The following TGFBRAP1 variants were observed in gnomAD, a reference collection of about 807,000 sequenced individuals.
TGFBRAP1 encodes the protein transforming growth factor beta receptor associated protein 1, also known as transforming growth factor-beta receptor-associated protein 1.
In TGFBRAP1, 20 loss-of-function variants were observed where a neutral mutation model predicts 83.2. That is an observed-to-expected ratio of 0.24 (90% CI 0.17 to 0.35). TGFBRAP1 has a LOEUF of 0.35. Among genes scored for constraint, TGFBRAP1 ranks in the 10% least tolerant of loss-of-function variants. TGFBRAP1 has a pLI of 1.00. For synonymous variants in TGFBRAP1, 415 were observed against 459.8 expected, an observed-to-expected ratio of 0.90 and a Z score of 1.25; for missense variants, 950 against 1,099.4, an observed-to-expected ratio of 0.86 and a Z score of 1.92.
At chr2:105,307,317 C>G (rs1477966959) in intron 2 of TGFBRAP1, among the ~76,000 whole-genome samples, 1 of 152,184 alleles carries the variant, frequency 6.6e-6, no homozygotes, top group East Asian at 1.9e-4. Context: ...CAAAATCTTT[C>G]TCCCAAGATG....
intron 1 of TGFBRAP1, among the ~76,000 whole-genome samples, chr2:105,311,169 C>CA (rs1337592812): frequency 1.5e-5 from 2 of 136,174 alleles, no homozygotes; most frequent in South Asian, 4.6e-4. Flanking sequence ...AAACAAAAAA[C>CA]AAAAAAACAT....
chr2:105,278,163 T>C (rs1428302973), intron 6 of TGFBRAP1, among the ~76,000 whole-genome samples: 3 of 151,512 alleles, frequency 2.0e-5, no homozygotes, highest in Non-Finnish European at 4.4e-5. Context: ...TGCTGTATAT[T>C]TACTTATGGT....
At chr2:105,286,653 G>A (rs1390155452) in intron 4 of TGFBRAP1, among the ~76,000 whole-genome samples, 1 of 152,132 alleles carries the variant, frequency 6.6e-6, no homozygotes, top group Admixed American at 6.5e-5. Flanking sequence ...GCCCTCTAAG[G>A]AGCCACTCTA....
chr2:105,300,747 TTATAAC>T (rs976900987), intron 2 of TGFBRAP1, among the ~76,000 whole-genome samples: 12 of 152,120 alleles, frequency 7.9e-5, no homozygotes, highest in African/African-American at 2.4e-4. Context: ...TATCAAATCT[TTATAAC>T]TAAAACAGTT....
chr2:105,287,033 T>C (rs1677740401), intron 4 of TGFBRAP1, among the ~76,000 whole-genome samples: 1 of 151,846 alleles, frequency 6.6e-6, no homozygotes, highest in African/African-American at 2.4e-5. Flanking sequence ...AGGAAGGGAG[T>C]TCCAACACAG....
intron 1 of TGFBRAP1, among the ~76,000 whole-genome samples, chr2:105,322,657 C>T (rs1573224844): frequency 2.0e-5 from 3 of 152,098 alleles, no homozygotes; most frequent in South Asian, 2.1e-4. Flanking sequence ...TATAGGTTTG[C>T]ACCCTAGGAA....
intron 4 of TGFBRAP1, among the ~76,000 whole-genome samples, chr2:105,293,886 G>T (rs1490592716): frequency 1.3e-5 from 2 of 152,168 alleles, no homozygotes; most frequent in South Asian, 2.1e-4. Flanking sequence ...GCTGAGGGGT[G>T]ACATGATAAA....
At chr2:105,324,475 C>T (rs899390633) in intron 1 of TGFBRAP1, among the ~76,000 whole-genome samples, 5 of 152,152 alleles carry the variant, frequency 3.3e-5, no homozygotes, top group Non-Finnish European at 7.4e-5. Flanking sequence ...CCCATCAGTC[C>T]AGCCCAGGAC....
At position 105,265,333 on chromosome 2, in the gene TGFBRAP1, G is replaced by C. The variant is rs1485646910; in HGVS notation, c.*2050C>G. The C allele has an allele frequency of 1.3e-5, 2 of 152,180 alleles. No homozygotes were observed. Among genetic ancestry groups the C allele is most frequent in the Non-Finnish European group, 2.9e-5 (2 of 68,068 alleles). The allele number at this position is 152,180 out of a possible 1,614,324, so 9.4% of individuals were successfully genotyped here. A position where few individuals can be genotyped will look rare whatever the true frequency, so the allele number is the denominator to read the frequency against. On this transcript the variant is annotated 3_prime_UTR_variant, in exon 12 of 12. Transcript: ENST00000393359. Reference sequence around the variant, plus strand: ...AAAATACAAAAATTAGCTGGGCGTGGTGGCATGCACCTGTAGTCCCAGCTA... The same window carrying C: ...AAAATACAAAAATTAGCTGGGCGTGCTGGCATGCACCTGTAGTCCCAGCTA...
At chr2:105,263,352 C>T (rs762891587), downstream of TGFBRAP1, among the ~76,000 whole-genome samples, 21 of 152,196 alleles carry the variant, frequency 1.4e-4, no homozygotes, top group Non-Finnish European at 2.6e-4. Flanking sequence ...AATGCGAGTC[C>T]ACCCTGGGCT....
At chr2:105,309,780 G>T (rs963431951) in intron 1 of TGFBRAP1, among the ~76,000 whole-genome samples, 2 of 152,172 alleles carry the variant, frequency 1.3e-5, no homozygotes, top group African/African-American at 4.8e-5. Context: ...GAATGTCTGT[G>T]TCCCCCTAAA....
At chr2:105,260,264 G>T (rs1389739314), downstream of TGFBRAP1, among the ~76,000 whole-genome samples, 2 of 152,080 alleles carry the variant, frequency 1.3e-5, no homozygotes, top group Non-Finnish European at 2.9e-5. Flanking sequence ...CAAAAAATTA[G>T]CCAGGCATGG....
At chr2:105,272,170 T>C (rs1002298299) in intron 10 of TGFBRAP1, among the ~76,000 whole-genome samples, 1 of 152,220 alleles carries the variant, frequency 6.6e-6, no homozygotes, top group Admixed American at 6.5e-5. Context: ...AACTAGTTAA[T>C]TCTACCAGTT....
intron 1 of TGFBRAP1, among the ~76,000 whole-genome samples, chr2:105,320,780 A>G (rs184141126): frequency 6.6e-6 from 1 of 152,334 alleles, no homozygotes; most frequent in South Asian, 2.1e-4. Flanking sequence ...TAAGTGTCCA[A>G]GGCACTCCAC....
In TGFBRAP1 at chr2:105,265,595, A is replaced by G. The variant is rs1676902159; in HGVS notation, c.*1788T>C. On this transcript the variant is annotated 3_prime_UTR_variant, in exon 12 of 12. Coordinates refer to ENST00000393359, the MANE Select transcript of TGFBRAP1 (RefSeq NM_004257.6). ...TTGTTCTTTGAGAAATATAAACTCA[A>G]ACTCACAAGTTGTCATGATAACATA... The G allele has an allele frequency of 6.6e-6, 1 of 152,652 alleles. No homozygotes were observed. Among genetic ancestry groups the G allele is most frequent in the African/African-American group, 2.4e-5 (1 of 41,450 alleles). 9.5% of individuals were successfully genotyped at this position (152,652 alleles called of 1,614,324 possible).
At chr2:105,311,824 G>A (rs562858080) in intron 1 of TGFBRAP1, among the ~76,000 whole-genome samples, 53 of 151,804 alleles carry the variant, frequency 3.5e-4, no homozygotes, top group African/African-American at 1.1e-3. Flanking sequence ...CAGGAGAATC[G>A]CTTGAACTGG....
rs1340400143 is a variant in TGFBRAP1 at position 105,267,385 on chromosome 2, A to G, written c.2581T>C (p.Ter861ArgextTer15). ...PSSSSPGTRT[*>R] ...CTCGCACCCTTGGGCCAAGCTTTTC[A>G]AGTCCGAGTGCCAGGACTGGATGAG... The change falls in exon 12 of 12, where the codon TGA becomes CGA. Residue 861 changes from the stop codon to arginine (R), a stop_lost. Coordinates refer to ENST00000393359, the MANE Select transcript of TGFBRAP1 (RefSeq NM_004257.6). The G allele has an allele frequency of 6.2e-7, 1 of 1,613,898 alleles. No individual in the cohort carries two copies. Among genetic ancestry groups the G allele is most frequent in the East Asian group, 2.2e-5 (1 of 44,876 alleles).
At chr2:105,317,434 CAAA>C (rs1175634496) in intron 1 of TGFBRAP1, among the ~76,000 whole-genome samples, 1 of 92,844 alleles carries the variant, frequency 1.1e-5, no homozygotes, top group Admixed American at 1.2e-4. Context: ...AGACTCATCT[CAAA>C]AAAAAAAAAA....
At chr2:105,296,082 A>G (rs536523008) in intron 4 of TGFBRAP1, among the ~76,000 whole-genome samples, 69 of 152,324 alleles carry the variant, frequency 4.5e-4, no homozygotes, top group Non-Finnish European at 8.2e-4. Context: ...GATTAGAAAT[A>G]CAAGCCTATA....
Sources: gnomAD v4.1 joint callset for allele counts (sites outside exome capture counted in the v4.1 genomes callset) on GRCh38, gnomAD v4.1.1 for gene constraint, MANE v1.5 for transcripts, NCBI Gene and HGNC (gene_info 2026-07-23, HGNC 2026-07-21) for gene names.